CDH20: variants seen among roughly 807,000 people sequenced by gnomAD.
The protein encoded by CDH20 is cadherin-20.
CDH20 carries 29 observed loss-of-function variants against 74.2 expected under a neutral mutation model. That is an observed-to-expected ratio of 0.39 (90% CI 0.29 to 0.53). The LOEUF (loss-of-function observed/expected upper bound fraction) is 0.53, where lower values mean the gene tolerates loss of function less well. Among genes scored for constraint, CDH20 ranks in the 20% least tolerant of loss-of-function variants. The probability of loss-of-function intolerance (pLI) is 0.69; values close to 1 mark genes in which losing one functional copy is unlikely to be tolerated. For missense variants in CDH20, 988 were observed against 1,048.3 expected (o/e 0.94, Z 0.79); for synonymous variants, 469 against 405.4 (o/e 1.16, Z -1.88).
intron 9 of CDH20, 28 bp from the exon 10 acceptor site, chr18:61,544,999 C>T: frequency 6.7e-7 from 1 of 1,491,840 alleles, no homozygotes; most frequent in Admixed American, 1.7e-5. Context: ...TTGGCTCCAA[C>T]TCACCTGATT....
intron 6 of CDH20, among the ~76,000 whole-genome samples, chr18:61,510,235 C>G (rs920126581): frequency 6.6e-6 from 1 of 151,948 alleles, no homozygotes; most frequent in Non-Finnish European, 1.5e-5. Flanking sequence ...TGAGGCACAC[C>G]AACATGAAGA....
chr18:61,339,819 C>G (rs766715119), intron 1 of CDH20, among the ~76,000 whole-genome samples: 7 of 150,984 alleles, frequency 4.6e-5, no homozygotes, highest in Non-Finnish European at 4.4e-5. Context: ...TCCCAAGTAG[C>G]TGGGACTACA....
intron 6 of CDH20, among the ~76,000 whole-genome samples, chr18:61,517,625 C>T (rs1222488002): frequency 6.6e-6 from 1 of 152,178 alleles, no homozygotes; most frequent in Non-Finnish European, 1.5e-5. Flanking sequence ...GCCTACGCCT[C>T]CAGGGACCTG....
At chr18:61,466,768 A>AGATT (rs1909976204) in intron 1 of CDH20, among the ~76,000 whole-genome samples, 1 of 152,206 alleles carries the variant, frequency 6.6e-6, no homozygotes, top group Admixed American at 6.5e-5. Context: ...GCGCACAACT[A>AGATT]CAGAGGTAAC....
chr18:61,380,336 C>G (rs566800205), intron 1 of CDH20, among the ~76,000 whole-genome samples: 4 of 152,256 alleles, frequency 2.6e-5, no homozygotes, highest in African/African-American at 9.6e-5. Flanking sequence ...GAGGTGAATT[C>G]AAACCGCACA....
chr18:61,357,149 C>A (rs556200843), intron 1 of CDH20, among the ~76,000 whole-genome samples: 156 of 152,288 alleles, frequency 1.0e-3, no homozygotes, highest in African/African-American at 3.6e-3. Context: ...ACCAAGCAGC[C>A]AGAATACTCT....
intron 2 of CDH20, among the ~76,000 whole-genome samples, chr18:61,495,617 C>T (rs1911109953): frequency 6.6e-6 from 1 of 152,158 alleles, no homozygotes; most frequent in Non-Finnish European, 1.5e-5. Context: ...CCTGCGGCCC[C>T]AGCCCAAGGA....
intron 1 of CDH20, among the ~76,000 whole-genome samples, chr18:61,470,814 C>G (rs573532315): frequency 6.6e-6 from 1 of 151,988 alleles, no homozygotes; most frequent in South Asian, 2.1e-4. Context: ...GATACTGAAA[C>G]GTGAAATTGA....
chr18:61,500,993 G>A (rs572788563), intron 4 of CDH20, among the ~76,000 whole-genome samples: 1 of 152,132 alleles, frequency 6.6e-6, no homozygotes, highest in African/African-American at 2.4e-5. Flanking sequence ...GTGTAGAGAG[G>A]TCTCTTGACA....
At chr18:61,389,897 T>C (rs771124190) in intron 1 of CDH20, among the ~76,000 whole-genome samples, 2 of 152,208 alleles carry the variant, frequency 1.3e-5, no homozygotes, top group Non-Finnish European at 2.9e-5. Context: ...TTCTCTTCTG[T>C]ATATTTATTT....
At chr18:61,417,766 A>G in intron 1 of CDH20, among the ~76,000 whole-genome samples, 1 of 152,062 alleles carries the variant, frequency 6.6e-6, no homozygotes, top group Admixed American at 6.6e-5. Context: ...GACTATAGTC[A>G]ACAATAATTT....
intron 1 of CDH20, among the ~76,000 whole-genome samples, chr18:61,438,087 G>C (rs557016118): frequency 6.6e-6 from 1 of 152,214 alleles, no homozygotes; most frequent in African/African-American, 2.4e-5. Flanking sequence ...TTTCAGCTTG[G>C]CTGGCTGGTT....
At chr18:61,515,242 G>A (rs1376091597) in intron 6 of CDH20, among the ~76,000 whole-genome samples, 3 of 152,072 alleles carry the variant, frequency 2.0e-5, no homozygotes, top group Admixed American at 6.5e-5. Flanking sequence ...CGCAATATTC[G>A]GGTAGGAGTG....
chr18:61,444,370 T>C (rs1185595558), intron 1 of CDH20, among the ~76,000 whole-genome samples: 1 of 152,192 alleles, frequency 6.6e-6, no homozygotes, highest in Non-Finnish European at 1.5e-5. Context: ...ACATATATCT[T>C]TCTTGGGAAC....
At chr18:61,368,027 C>T (rs1910914686) in intron 1 of CDH20, among the ~76,000 whole-genome samples, 1 of 152,058 alleles carries the variant, frequency 6.6e-6, no homozygotes, top group South Asian at 2.1e-4. Flanking sequence ...GTGCCAAGAA[C>T]CTATCTTCAA....
intron 1 of CDH20, among the ~76,000 whole-genome samples, chr18:61,479,338 A>G (rs1910506036): frequency 6.6e-6 from 1 of 152,170 alleles, no homozygotes; most frequent in African/African-American, 2.4e-5. Flanking sequence ...GTATTTGCCA[A>G]TACATTTCTA....
At chr18:61,536,206 C>T (rs1034289854) in intron 7 of CDH20, among the ~76,000 whole-genome samples, 1 of 152,146 alleles carries the variant, frequency 6.6e-6, no homozygotes, top group Non-Finnish European at 1.5e-5. Flanking sequence ...CCAAGCATTA[C>T]GTAGCATAAA....
chr18:61,377,111 C>T (rs1013742780), intron 1 of CDH20, among the ~76,000 whole-genome samples: 9 of 152,084 alleles, frequency 5.9e-5, no homozygotes, highest in South Asian at 4.1e-4. Context: ...AGAATTTACA[C>T]GGTCAAAACT....
intron 1 of CDH20, among the ~76,000 whole-genome samples, chr18:61,359,376 G>A (rs1910610403): frequency 6.8e-6 from 1 of 146,428 alleles, no homozygotes. Flanking sequence ...AGCTAGGTGA[G>A]CAGCAGAAAA....
Sources: allele counts gnomAD v4.1 joint callset (sites outside exome capture counted in the v4.1 genomes callset), GRCh38; gene constraint gnomAD v4.1.1; transcripts MANE v1.5; gene names NCBI Gene and HGNC (gene_info 2026-07-23, HGNC 2026-07-21).